The following RIMS2 variants were observed in gnomAD, a reference collection of about 807,000 sequenced individuals.
RIMS2 encodes regulating synaptic membrane exocytosis protein 2.
A neutral mutation model predicts 174.4 loss-of-function variants in RIMS2; 59 were observed. The observed-to-expected ratio is 0.34, with a 90% CI of 0.27 to 0.42. The LOEUF (loss-of-function observed/expected upper bound fraction) is 0.42. Ranked by LOEUF, RIMS2 falls within the 10% of genes least tolerant of loss-of-function variation. RIMS2 has a pLI of 1.00. For missense variants in RIMS2, 1,620 were observed against 1,666.3 expected, an observed-to-expected ratio of 0.97 and a Z score of 0.48; for synonymous variants, 606 against 572.5, an observed-to-expected ratio of 1.06 and a Z score of -0.84.
intron 19 of RIMS2, among the ~76,000 whole-genome samples, chr8:104,074,946 A>G (rs2097262293): frequency 6.6e-6 from 1 of 152,316 alleles, no homozygotes; most frequent in East Asian, 1.9e-4. Context: ...AGCCTTATAT[A>G]TATTATCAAG....
At chr8:103,877,767 A>G (rs2099148344) in intron 3 of RIMS2, among the ~76,000 whole-genome samples, 2 of 151,564 alleles carry the variant, frequency 1.3e-5, no homozygotes, top group Admixed American at 1.3e-4. Flanking sequence ...ATTCTGTGAA[A>G]AAAAGGATGC....
intron 2 of RIMS2, among the ~76,000 whole-genome samples, chr8:103,744,176 G>T (rs1341570856): frequency 6.6e-6 from 1 of 152,134 alleles, no homozygotes; most frequent in African/African-American, 2.4e-5. Flanking sequence ...CTCCTGAGTA[G>T]CTGGGACTAC....
At chr8:103,931,545 T>C (rs2079944255) in intron 12 of RIMS2, 152 bp downstream of exon 14, 1 of 459,438 alleles carries the variant, frequency 2.2e-6, no homozygotes, top group Admixed American at 4.3e-5. Flanking sequence ...AACAAAATAG[T>C]GACAGTAAAT....
At chr8:103,707,886 G>C (rs796733347) in intron 2 of RIMS2, among the ~76,000 whole-genome samples, 7 of 152,320 alleles carry the variant, frequency 4.6e-5, no homozygotes, top group African/African-American at 1.7e-4. Context: ...CCTAGGGTGC[G>C]TCTAGAAGGA....
intron 19 of RIMS2, among the ~76,000 whole-genome samples, chr8:104,232,566 A>G (rs996496240): frequency 6.6e-6 from 1 of 152,192 alleles, no homozygotes; most frequent in African/African-American, 2.4e-5. Context: ...AGTGATGCCC[A>G]AAACCATACT....
chr8:104,248,883 A>T (rs537315327), intron 21 of RIMS2, 70 bp downstream of exon 27: 4 of 701,044 alleles, frequency 5.7e-6, no homozygotes, highest in Middle Eastern at 2.9e-4. Flanking sequence ...TCTAAATTTC[A>T]TAGAATCTTC....
intron 19 of RIMS2, among the ~76,000 whole-genome samples, chr8:104,051,719 A>G (rs1334256006): frequency 6.6e-6 from 1 of 152,194 alleles, no homozygotes; most frequent in Admixed American, 6.5e-5. Context: ...ATTTTTGATC[A>G]TAAGTTCTGG....
chr8:103,517,143 A>G (rs1232916014), intron 1 of RIMS2, among the ~76,000 whole-genome samples: 2 of 152,196 alleles, frequency 1.3e-5, no homozygotes, highest in African/African-American at 4.8e-5. Context: ...ATCCAAATGC[A>G]TGATAAGTGC....
At chr8:103,722,625 A>G (rs1460247586) in intron 2 of RIMS2, among the ~76,000 whole-genome samples, 2 of 152,152 alleles carry the variant, frequency 1.3e-5, no homozygotes, top group Non-Finnish European at 2.9e-5. Flanking sequence ...AAATATAGAT[A>G]AAGTTTGCTT....
chr8:104,109,579 T>C (rs1205328096), intron 19 of RIMS2, among the ~76,000 whole-genome samples: 1 of 151,950 alleles, frequency 6.6e-6, no homozygotes, highest in Non-Finnish European at 1.5e-5. Flanking sequence ...AAGCATTTCA[T>C]AAATAGTAGA....
intron 1 of RIMS2, among the ~76,000 whole-genome samples, chr8:103,627,562 A>C (rs1318844625): frequency 6.6e-6 from 1 of 152,260 alleles, no homozygotes; most frequent in Non-Finnish European, 1.5e-5. Context: ...AAAGACAGGC[A>C]TAAGAAATTA....
intron 2 of RIMS2, among the ~76,000 whole-genome samples, chr8:103,707,733 T>A (rs116856209): frequency 0.065 from 9,949 of 152,268 alleles, 401 homozygotes; most frequent in South Asian, 0.088. Context: ...ATCAGCACAG[T>A]ACAGGGGCTT....
At chr8:104,012,561 T>G (rs2095797407) in intron 17 of RIMS2, among the ~76,000 whole-genome samples, 1 of 152,036 alleles carries the variant, frequency 6.6e-6, no homozygotes, top group African/African-American at 2.4e-5. Context: ...TTGACATATG[T>G]TTTACTTTTG....
intron 2 of RIMS2, among the ~76,000 whole-genome samples, chr8:103,751,179 G>A (rs1013081082): frequency 2.6e-5 from 4 of 152,140 alleles, no homozygotes; most frequent in Admixed American, 2.6e-4. Context: ...TCCCACGCAT[G>A]AGTGAGAACA....
intron 3 of RIMS2, among the ~76,000 whole-genome samples, chr8:103,781,438 C>G (rs1274326326): frequency 6.6e-6 from 1 of 152,026 alleles, no homozygotes; most frequent in Non-Finnish European, 1.5e-5. Context: ...GGAACTGGAA[C>G]AAAAGTATAT....
intron 20 of RIMS2, 36 bp from the exon 27 acceptor site, chr8:104,248,665 T>C (rs2099347819): frequency 9.3e-7 from 1 of 1,075,348 alleles, no homozygotes; most frequent in African/African-American, 1.6e-5. Flanking sequence ...TAAATAGGGG[T>C]TGGGGATTTA....
chr8:103,633,958 C>CA (rs934156294), intron 1 of RIMS2, among the ~76,000 whole-genome samples: 49 of 151,740 alleles, frequency 3.2e-4, no homozygotes, highest in Non-Finnish European at 1.3e-4. Context: ...TTAATTTTTT[C>CA]AAAAAATCAA....
intron 19 of RIMS2, among the ~76,000 whole-genome samples, chr8:104,145,505 A>C (rs2098628708): frequency 7.0e-6 from 1 of 143,620 alleles, no homozygotes; most frequent in Non-Finnish European, 1.5e-5. Flanking sequence ...TTTTTCAAAA[A>C]TCAAGAGTCC....
intron 1 of RIMS2, among the ~76,000 whole-genome samples, chr8:103,627,640 G>A (rs1458439123): frequency 1.3e-5 from 2 of 152,122 alleles, no homozygotes; most frequent in African/African-American, 2.4e-5. Context: ...CTTCTGCCTC[G>A]GCTCCAGCCG....
Sources: allele counts gnomAD v4.1 joint callset (sites outside exome capture counted in the v4.1 genomes callset), GRCh38; gene constraint gnomAD v4.1.1; transcripts MANE v1.5; gene names NCBI Gene and HGNC (gene_info 2026-07-23, HGNC 2026-07-21).